The following SNTG2 variants were observed in gnomAD, a reference collection of about 807,000 sequenced individuals.
SNTG2 encodes gamma-2-syntrophin.
Under a neutral mutation model 70.9 loss-of-function variants are expected in SNTG2, and 74 were observed. The observed-to-expected ratio is 1.04, with a 90% CI of 0.86 to 1.27. The LOEUF is 1.27. SNTG2 is among the 50% of genes most tolerant of loss of function. SNTG2 has a pLI of 0.00. For synonymous variants in SNTG2, 278 were observed against 273.8 expected, an observed-to-expected ratio of 1.02 and a Z score of -0.15; for missense variants, 717 against 690.7, an observed-to-expected ratio of 1.04 and a Z score of -0.43.
At position 1,005,592 on chromosome 2, in the gene SNTG2, T is replaced by C. The variant is rs756039795; in HGVS notation, c.72+54524T>C. 2.5e-3 allele frequency among the ~76,000 whole-genome samples: 383 copies of C among 150,956 alleles called. 2 individuals carry two copies. The highest frequency in any genetic ancestry group is 4.5e-3 in the Non-Finnish European group (304 of 67,738). ...GCTGAGGCGGGTGGATCGCCTGAGG[T>C]CAGGAGTTTGAGACCACTCTGACCA... On this transcript the variant is annotated intron_variant, in intron 1 of 16. Coordinates refer to ENST00000308624, the MANE Select transcript of SNTG2 (RefSeq NM_018968.4).
rs534817694 is a variant in SNTG2 at position 1,161,871 on chromosome 2, G to A, written c.412-3677G>A. On this transcript the variant is annotated intron_variant, in intron 6 of 16. Coordinates refer to ENST00000308624, the MANE Select transcript of SNTG2 (RefSeq NM_018968.4). ...GGGCGGATCACGAGGTCAGGAGATC[G>A]AGACCATCCTGGCTAACACGGTGAA... 9.9e-5 allele frequency among the ~76,000 whole-genome samples: 15 copies of A among 152,106 alleles called. No individual in the cohort carries two copies. In the East Asian group the frequency reaches 1.5e-3, roughly 16 times the overall value.
chr2:1,275,406 T>G (rs1414223682), intron 14 of SNTG2, among the ~76,000 whole-genome samples: 1 of 152,284 alleles, frequency 6.6e-6, no homozygotes, highest in Non-Finnish European at 1.5e-5. Context: ...CATGTCTCTG[T>G]CACATTGTGG....
intron 1 of SNTG2, among the ~76,000 whole-genome samples, chr2:984,454 C>T (rs1661238160): frequency 1.3e-5 from 2 of 152,058 alleles, no homozygotes; most frequent in South Asian, 4.2e-4. Context: ...AGCAGGAGCT[C>T]TGTGCTGTTT....
intron 13 of SNTG2, among the ~76,000 whole-genome samples, chr2:1,264,612 A>G (rs1051740462): frequency 6.6e-6 from 1 of 152,268 alleles, no homozygotes; most frequent in Non-Finnish European, 1.5e-5. Context: ...CATTCATCTC[A>G]TAAACAGATG....
At chr2:1,215,969 G>T (rs1011141919) in intron 9 of SNTG2, among the ~76,000 whole-genome samples, 1 of 152,280 alleles carries the variant, frequency 6.6e-6, no homozygotes. Context: ...GGACATTCGG[G>T]TTGGTTCCAA....
intron 4 of SNTG2, among the ~76,000 whole-genome samples, chr2:1,130,891 G>A (rs1014911504): frequency 7.2e-5 from 11 of 152,140 alleles, no homozygotes; most frequent in South Asian, 2.1e-4. Context: ...AGTTTCATTC[G>A]CCGCAGATAG....
At chr2:1,287,500 G>A (rs536524952) in intron 14 of SNTG2, among the ~76,000 whole-genome samples, 151 of 152,282 alleles carry the variant, frequency 9.9e-4, no homozygotes, top group African/African-American at 3.6e-3. Flanking sequence ...CCCTTTATTC[G>A]AGAAATGAGC....
intron 1 of SNTG2, among the ~76,000 whole-genome samples, chr2:1,054,151 C>T (rs535650096): frequency 7.4e-4 from 112 of 152,278 alleles, no homozygotes; most frequent in African/African-American, 2.6e-3. Context: ...CTGATTCAGA[C>T]GGGCGGACCT....
intron 8 of SNTG2, among the ~76,000 whole-genome samples, chr2:1,181,847 A>G (rs1671923091): frequency 1.3e-5 from 2 of 152,166 alleles, no homozygotes; most frequent in Admixed American, 1.3e-4. Flanking sequence ...TTAAGATTCT[A>G]AGTTCATTAT....
At chr2:1,179,349 A>G (rs1051547447) in intron 8 of SNTG2, among the ~76,000 whole-genome samples, 6 of 152,154 alleles carry the variant, frequency 3.9e-5, no homozygotes, top group African/African-American at 1.4e-4. Context: ...CCTTAAGCTG[A>G]TAAGCAACTT....
At position 1,178,514 on chromosome 2, in the gene SNTG2, G is replaced by C. The variant is rs376988563; in HGVS notation, c.591+5331G>C. On this transcript the variant is annotated intron_variant, in intron 8 of 16. Coordinates refer to ENST00000308624, the MANE Select transcript of SNTG2 (RefSeq NM_018968.4). Reference sequence around the variant, plus strand: ...TTTATTGAGAGTTTTTAGCATGAAGGGTTGTTGAATTTTGTCAAAGGCCTT... The same window carrying C: ...TTTATTGAGAGTTTTTAGCATGAAGCGTTGTTGAATTTTGTCAAAGGCCTT... 7.0e-4 allele frequency among the ~76,000 whole-genome samples: 102 copies of C among 145,914 alleles called. 1 individual carries two copies. In the South Asian group the frequency reaches 0.011, roughly 16 times the overall value.
intron 9 of SNTG2, among the ~76,000 whole-genome samples, chr2:1,230,374 G>A (rs1676132004): frequency 6.6e-6 from 1 of 152,134 alleles, no homozygotes; most frequent in African/African-American, 2.4e-5. Context: ...CTCAGGAGCA[G>A]TTTACAGAGA....
chr2:1,365,292 T>G (rs1661418596), intron 16 of SNTG2, among the ~76,000 whole-genome samples: 2 of 152,228 alleles, frequency 1.3e-5, no homozygotes, highest in African/African-American at 4.8e-5. Context: ...CTAAAGACTA[T>G]GAAGCTTTGG....
At chr2:956,586 G>A (rs1660169158) in intron 1 of SNTG2, among the ~76,000 whole-genome samples, 1 of 152,192 alleles carries the variant, frequency 6.6e-6, no homozygotes, top group African/African-American at 2.4e-5. Flanking sequence ...CCAGGGCCCC[G>A]GCCCACCCGT....
chr2:1,214,110 A>G (rs1487688326), intron 9 of SNTG2, among the ~76,000 whole-genome samples: 6 of 152,116 alleles, frequency 3.9e-5, no homozygotes, highest in Admixed American at 3.3e-4. Flanking sequence ...TGGCCAATGT[A>G]CCTGTGTTTA....
At chr2:1,264,673 T>G (rs973986164) in intron 13 of SNTG2, among the ~76,000 whole-genome samples, 1 of 151,958 alleles carries the variant, frequency 6.6e-6, no homozygotes, top group African/African-American at 2.4e-5. Context: ...AAGTATATCT[T>G]CTCTTCCCTG....
intron 14 of SNTG2, among the ~76,000 whole-genome samples, chr2:1,282,314 A>T (rs962936159): frequency 6.6e-6 from 1 of 152,194 alleles, no homozygotes; most frequent in African/African-American, 2.4e-5. Context: ...CACAATATAA[A>T]TACTATATCC....
chr2:1,222,523 C>A (rs1196780723), intron 9 of SNTG2, among the ~76,000 whole-genome samples: 1 of 130,274 alleles, frequency 7.7e-6, no homozygotes, highest in Non-Finnish European at 1.6e-5. Flanking sequence ...CCTGTCCTGC[C>A]TGCTGCTGGA....
At chr2:1,256,254 T>C (rs1678114545) in intron 12 of SNTG2, among the ~76,000 whole-genome samples, 1 of 152,152 alleles carries the variant, frequency 6.6e-6, no homozygotes, top group South Asian at 2.1e-4. Flanking sequence ...CCGTGGTCTG[T>C]GCAGTTCATT....
Sources: allele counts gnomAD v4.1 joint callset (sites outside exome capture counted in the v4.1 genomes callset), GRCh38; gene constraint gnomAD v4.1.1; transcripts MANE v1.5; gene names NCBI Gene and HGNC (gene_info 2026-07-23, HGNC 2026-07-21).